ANKLE2: variants seen among roughly 807,000 people sequenced by gnomAD.
ANKLE2 encodes ankyrin repeat and LEM domain-containing protein 2.
Under a neutral mutation model 84.2 loss-of-function variants are expected in ANKLE2, and 55 were observed. The ratio of observed to expected loss-of-function variants is 0.65; its 90% CI spans 0.53 to 0.82. The LOEUF (loss-of-function observed/expected upper bound fraction) is 0.82. ANKLE2 is among the 40% of genes least tolerant of loss of function. The pLI, the probability that ANKLE2 is intolerant of heterozygous loss-of-function variation, is 0.00. For missense variants in ANKLE2, 1,238 were observed against 1,201.9 expected (o/e 1.03, Z -0.44); for synonymous variants, 551 against 486.1 (o/e 1.13, Z -1.76).
chr12:132,742,184 TACAC>T (rs71856305), intron 6 of ANKLE2: 10,745 of 192,550 alleles, frequency 0.056, 599 homozygotes, highest in African/African-American at 0.16. Context: ...GAAGTACAGA[TACAC>T]ACACACACAC....
rs1279593370 is a variant in ANKLE2 at position 132,761,697 on chromosome 12, C to G, written c.102G>C (p.Arg34=). Reference sequence around the variant, plus strand: ...CCAGACCTCCCGGCCGCGGGCCCAGCCGCCGCACCAGCCACCGCACAGCGA... The same window carrying G: ...CCAGACCTCCCGGCCGCGGGCCCAGGCGCCGCACCAGCCACCGCACAGCGA... The part of the protein sequence containing the change: ...LLIAVRWLVR[R]LGPRPGGLGR... The change falls in exon 1 of 13, where the codon CGG becomes CGC. Residue 34 remains arginine (R), a synonymous_variant. Coordinates refer to ENST00000357997, the MANE Select transcript of ANKLE2 (RefSeq NM_015114.3). 9 of 1,349,282 alleles carry G rather than the reference C, an allele frequency of 6.7e-6. No individual in the cohort carries two copies. Among genetic ancestry groups the G allele is most frequent in the Non-Finnish European group, 8.6e-6 (9 of 1,042,796 alleles). The allele number at this position is 1,349,282 out of a possible 1,614,324, so 83.6% of individuals were successfully genotyped here.
Position 132,748,136 on chromosome 12 carries a change from A to T in ANKLE2, c.1041+2T>A. 1 of 1,612,652 alleles carries T rather than the reference A, an allele frequency of 6.2e-7. No individual in the cohort carries two copies. Among genetic ancestry groups the T allele is most frequent in the South Asian group, 1.1e-5 (1 of 90,772 alleles). On this transcript the variant is annotated splice_donor_variant, in intron 4 of 12. Coordinates refer to ENST00000357997, the MANE Select transcript of ANKLE2 (RefSeq NM_015114.3). LOFTEE classifies it high-confidence loss of function. ...CTGCCCGAGGGAACCGCCGAGACCTACCTGCACGATAGTGGGGTTGTCTCC... is the reference window on the plus strand; with the variant it reads ...CTGCCCGAGGGAACCGCCGAGACCTTCCTGCACGATAGTGGGGTTGTCTCC...
intron 7 of ANKLE2, chr12:132,738,526 A>AT (rs2044058817): frequency 3.9e-5 from 5 of 129,432 alleles, no homozygotes; most frequent in African/African-American, 1.4e-4. Context: ...ATAGTTTCAT[A>AT]GTTTTTTTTT....
intron 1 of ANKLE2, chr12:132,758,984 C>G (rs561405031): frequency 1.5e-5 from 2 of 135,968 alleles, no homozygotes; most frequent in African/African-American, 2.9e-5. Context: ...CAGAGAGGAT[C>G]GCTGCGGAGT....
At chr12:132,748,705 T>C (rs775598042) in intron 3 of ANKLE2, among the ~76,000 whole-genome samples, 1 of 152,144 alleles carries the variant, frequency 6.6e-6, no homozygotes, top group African/African-American at 2.4e-5. Flanking sequence ...GTGAACTTTG[T>C]GTTTTTTCAG....
At position 132,749,402 on chromosome 12, in the gene ANKLE2, C is replaced by T. The variant is rs139620066; in HGVS notation, c.848-1071G>A. ...AACTCCTGACCTGAGATGATCCACC[C>T]GCCTCAGCCTCCCAAAGTGCTGGGA... On this transcript the variant is annotated intron_variant, in intron 3 of 12. Transcript: ENST00000357997. Among the ~76,000 whole-genome samples, 759 of 152,226 alleles carry T rather than the reference C, an allele frequency of 5.0e-3. 3 individuals carry two copies. The highest frequency in any genetic ancestry group is 0.017 in the African/African-American group (724 of 41,536).
Position 132,729,690 on chromosome 12 carries a change from G to T in ANKLE2, c.2472C>A (p.Leu824=). ...CAACACACTCCTACCCAAAAAGGAA[G>T]AGCCGCCTGGCCGGTTCCCTGGTGA... The part of the protein sequence containing the change: ...LEVTREPARR[L]FLFGEEPSKL... Residue 824 remains leucine (L), a synonymous_variant, in exon 11 of 13, where the codon CTC becomes CTA. Transcript: ENST00000357997. 6.2e-7 allele frequency: 1 copy of T among 1,605,334 alleles called. No homozygotes were observed. The highest frequency in any genetic ancestry group is 8.5e-7 in the Non-Finnish European group (1 of 1,177,390).
At position 132,726,547 on chromosome 12, in the gene ANKLE2, T is replaced by C. The variant is rs1431594065; in HGVS notation, c.*695A>G. The C allele has an allele frequency of 6.6e-6, 1 of 152,240 alleles. No individual in the cohort carries two copies. The highest frequency in any genetic ancestry group is 2.4e-5 in the African/African-American group (1 of 41,458). 9.4% of individuals were successfully genotyped at this position (152,240 alleles called of 1,614,324 possible). The stretch of plus-strand genomic sequence containing the variant: ...ACACCTTGGCGCCGCTGCTGAGCTC[T>C]GTGTTGCTCCTGGTATCACTCCCAC... On this transcript the variant is annotated 3_prime_UTR_variant, in exon 13 of 13. Coordinates refer to ENST00000357997, the MANE Select transcript of ANKLE2 (RefSeq NM_015114.3).
chr12:132,755,511 C>T (rs992370244), intron 1 of ANKLE2: 2 of 160,774 alleles, frequency 1.2e-5, no homozygotes, highest in Admixed American at 1.3e-4. Flanking sequence ...CACCCCTGCA[C>T]TCCAGCTTAG....
rs377759496 is a variant in ANKLE2 at position 132,750,719 on chromosome 12, G to A, written c.771C>T (p.Phe257=). 4.8e-5 allele frequency: 78 copies of A among 1,614,098 alleles called. No individual in the cohort carries two copies. Among genetic ancestry groups the A allele is most frequent in the Non-Finnish European group, 6.2e-5 (73 of 1,180,042 alleles). ...GTAAGGACGTTTTGCTTGGAGAAGG[G>A]AAATAATCACAAATTCCTCTAGCAA... is the stretch of plus-strand genomic sequence containing the variant. ...EKFARGICDY[F]PSPSKTSLPL... is the part of the protein sequence containing the mutation. The change falls in exon 3 of 13, where the codon TTC becomes TTT. Residue 257 remains phenylalanine, a synonymous_variant. Transcript: ENST00000357997.
In ANKLE2 at chr12:132,741,749, G is replaced by C. The variant is rs932547694; in HGVS notation, c.1354-264C>G. 3 of 596,134 alleles carry C rather than the reference G, an allele frequency of 5.0e-6. No homozygotes were observed. In the Middle Eastern group the frequency reaches 7.8e-4, roughly 155 times the overall value. The allele number at this position is 596,134 out of a possible 1,614,324, so 36.9% of individuals were successfully genotyped here. A position where few individuals can be genotyped will look rare whatever the true frequency, so the allele number is the denominator to read the frequency against. ...CTCGACATTTTCTAACTGTCTGCAA[G>C]GAGAGGAAAAGGTACCAGCGCATCG... is the stretch of plus-strand genomic sequence containing the variant. On this transcript the variant is annotated intron_variant, in intron 6 of 12. Transcript: ENST00000357997.
Position 132,729,991 on chromosome 12 carries a change from G to T in ANKLE2, c.2171C>A (p.Ala724Asp). 1 of 1,613,390 alleles carries T rather than the reference G, an allele frequency of 6.2e-7. No homozygotes were observed. Residue 724 changes from alanine (A) to aspartate (D), a missense_variant, in exon 11 of 13, where the codon GCC becomes GAC. Ala to Asp is a moderately radical substitution (Grantham distance 126). Coordinates refer to ENST00000357997, the MANE Select transcript of ANKLE2 (RefSeq NM_015114.3). ...CAAATCCGAGACAGGTGGCAGATGG[G>T]CTTCCTCCCCACGGGGGGCCTTTGG... is the stretch of plus-strand genomic sequence containing the variant. ...KRPKAPRGEE[A>D]HLPPVSDLTV...
intron 3 of ANKLE2, among the ~76,000 whole-genome samples, chr12:132,749,180 C>T (rs998083361): frequency 4.0e-5 from 6 of 151,384 alleles, no homozygotes; most frequent in Non-Finnish European, 5.9e-5. Context: ...GGGGGGGACG[C>T]AGTTTTGCTC....
In ANKLE2 at chr12:132,741,466, T is replaced by C. The variant is rs1451222684; in HGVS notation, c.1373A>G (p.Lys458Arg). The change falls in exon 7 of 13, where the codon AAA (lysine) becomes AGA (arginine). Residue 458 changes from lysine to arginine, a missense_variant. Transcript: ENST00000357997. ...CTCCTTCAGTTCCACAGATTTATTT[T>C]TGCTTCTTTCACAAATTACCTATTG... ...TPEDVICERS[K>R]NKSVELKERI... 1.2e-6 allele frequency: 2 copies of C among 1,614,172 alleles called. No individual in the cohort carries two copies. Among genetic ancestry groups the C allele is most frequent in the South Asian group, 2.2e-5 (2 of 91,094 alleles).
Position 132,761,600 on chromosome 12 carries a change from C to G in ANKLE2, c.181+18G>C. On this transcript the variant is annotated intron_variant, in intron 1 of 12. Coordinates refer to ENST00000357997, the MANE Select transcript of ANKLE2 (RefSeq NM_015114.3). ...AAGGGGCCAGGGTGCGGGGACCCAG[C>G]GACCGCCTGGGCCTTACCTGAGGCG... 8.2e-7 allele frequency: 1 copy of G among 1,220,094 alleles called. No individual in the cohort carries two copies. Among genetic ancestry groups the G allele is most frequent in the Non-Finnish European group, 1.0e-6 (1 of 979,304 alleles). 75.6% of individuals were successfully genotyped at this position (1,220,094 alleles called of 1,614,324 possible).
intron 8 of ANKLE2, among the ~76,000 whole-genome samples, chr12:132,735,921 A>G (rs981992528): frequency 1.1e-4 from 17 of 152,096 alleles, no homozygotes; most frequent in Non-Finnish European, 1.9e-4. Context: ...ATCTCACCTA[A>G]CCTTACCTGA....
At position 132,755,566 on chromosome 12, in the gene ANKLE2, TC is replaced by T. The variant is rs199933292; in HGVS notation, c.182-434del. On this transcript the variant is annotated intron_variant, in intron 1 of 12. Coordinates refer to ENST00000357997, the MANE Select transcript of ANKLE2 (RefSeq NM_015114.3). Reference sequence around the variant, plus strand: ...AGCTCAAAAAAAAAAAAAGAATTTTTCTTTTTTTTTTCGAGATGGTGTCTCC... The same window carrying T: ...AGCTCAAAAAAAAAAAAAGAATTTTTTTTTTTTTTTCGAGATGGTGTCTCC... The T allele has an allele frequency of 7.0e-3, 1,049 of 150,518 alleles. 17 individuals are homozygous for T. The highest frequency in any genetic ancestry group is 0.022 in the African/African-American group (881 of 40,596). The allele number at this position is 150,518 out of a possible 1,614,324, so 9.3% of individuals were successfully genotyped here. A position where few individuals can be genotyped will look rare whatever the true frequency, so the allele number is the denominator to read the frequency against.
intron 2 of ANKLE2, among the ~76,000 whole-genome samples, chr12:132,752,462 C>T (rs2044378000): frequency 6.6e-6 from 1 of 152,170 alleles, no homozygotes; most frequent in Non-Finnish European, 1.5e-5. Flanking sequence ...AATGCAGTGG[C>T]ACAATCTCAG....
At chr12:132,750,220 A>AAAAAG (rs2044327690) in intron 3 of ANKLE2, among the ~76,000 whole-genome samples, 1 of 150,460 alleles carries the variant, frequency 6.6e-6, no homozygotes, top group Non-Finnish European at 1.5e-5. Context: ...AAAAAAAAAA[A>AAAAAG]AAAAGAAAAA....
Sources: allele counts gnomAD v4.1 joint callset (sites outside exome capture counted in the v4.1 genomes callset), GRCh38; gene constraint gnomAD v4.1.1; transcripts MANE v1.5; gene names NCBI Gene and HGNC (gene_info 2026-07-23, HGNC 2026-07-21).